The following GRID1 variants were observed in gnomAD, a reference collection of about 807,000 sequenced individuals.
GRID1 encodes glutamate ionotropic receptor delta type subunit 1, also known as glutamate receptor ionotropic, delta-1.
GRID1 carries 28 observed loss-of-function variants against 98.0 expected under a neutral mutation model. That is an observed-to-expected ratio of 0.29 (90% CI 0.21 to 0.39). The LOEUF (loss-of-function observed/expected upper bound fraction) is 0.39. Ranked by LOEUF, GRID1 falls within the 10% of genes least tolerant of loss-of-function variation. The probability of loss-of-function intolerance (pLI) is 1.00; values close to 1 mark genes in which losing one functional copy is unlikely to be tolerated. For synonymous variants in GRID1, 553 were observed against 538.5 expected, an observed-to-expected ratio of 1.03 and a Z score of -0.37; for missense variants, 1,111 against 1,340.5, an observed-to-expected ratio of 0.83 and a Z score of 2.67.
At chr10:86,305,041 G>A (rs947850477) in intron 2 of GRID1, among the ~76,000 whole-genome samples, 2 of 151,586 alleles carry the variant, frequency 1.3e-5, no homozygotes, top group Non-Finnish European at 2.9e-5. Flanking sequence ...CATTTAATCA[G>A]TAGATTCTGA....
At chr10:85,774,409 G>T (rs906438215) in intron 8 of GRID1, among the ~76,000 whole-genome samples, 1 of 152,156 alleles carries the variant, frequency 6.6e-6, no homozygotes, top group Admixed American at 6.5e-5. Context: ...CAGGACATAG[G>T]CATGGGCAAG....
At position 85,619,917 on chromosome 10, in the gene GRID1, G is replaced by A. The variant is rs543334954; in HGVS notation, c.2310C>T (p.Tyr770=). The A allele has an allele frequency of 5.8e-5, 94 of 1,614,144 alleles. No homozygotes were observed. Among genetic ancestry groups the A allele is most frequent in the South Asian group, 3.0e-4 (27 of 91,074 alleles). ...VIGNSISSKG[Y]GIALQHGSPY... is the part of the protein sequence containing the mutation. ...GGCTGCCATGCTGCAGGGCAATCCC[G>A]TAACCCTTGCTGCTGATGCTGTTGC... The change falls in exon 14 of 16, where the codon TAC becomes TAT. Residue 770 remains tyrosine, a synonymous_variant. Coordinates refer to ENST00000327946, the MANE Select transcript of GRID1 (RefSeq NM_017551.3).
intron 5 of GRID1, among the ~76,000 whole-genome samples, chr10:85,881,304 C>A (rs964461859): frequency 1.3e-5 from 2 of 152,120 alleles, no homozygotes; most frequent in Non-Finnish European, 2.9e-5. Context: ...AAAAAAGAGC[C>A]CACATCACCA....
intron 10 of GRID1, among the ~76,000 whole-genome samples, chr10:85,725,161 T>C (rs567116112): frequency 6.6e-6 from 1 of 152,194 alleles, no homozygotes; most frequent in African/African-American, 2.4e-5. Flanking sequence ...TTCTCTTTTC[T>C]AAAACACTTC....
intron 8 of GRID1, among the ~76,000 whole-genome samples, chr10:85,813,294 C>G (rs977518738): frequency 1.6e-4 from 24 of 151,466 alleles, no homozygotes; most frequent in East Asian, 5.8e-4. Flanking sequence ...CTACATACAT[C>G]TTAATCAAAT....
intron 12 of GRID1, among the ~76,000 whole-genome samples, chr10:85,657,968 G>A (rs189700865): frequency 6.8e-4 from 103 of 152,128 alleles, no homozygotes; most frequent in African/African-American, 2.3e-3. Context: ...CTCAACACCC[G>A]CAAATATTTG....
chr10:86,150,439 G>T (rs772369137), intron 3 of GRID1, among the ~76,000 whole-genome samples: 4 of 152,228 alleles, frequency 2.6e-5, no homozygotes, highest in Non-Finnish European at 2.9e-5. Flanking sequence ...GGAGCTCTGG[G>T]TATTTTTCTG....
chr10:86,120,274 C>T (rs996036337), intron 4 of GRID1, among the ~76,000 whole-genome samples: 6 of 152,208 alleles, frequency 3.9e-5, no homozygotes, highest in Admixed American at 3.9e-4. Flanking sequence ...TATGCTCCTA[C>T]CCTTGCTGCC....
At chr10:85,780,389 GAGTGAGA>G (rs1381892278) in intron 8 of GRID1, among the ~76,000 whole-genome samples, 2 of 152,214 alleles carry the variant, frequency 1.3e-5, no homozygotes, top group African/African-American at 4.8e-5. Flanking sequence ...AGTGGGGCTG[GAGTGAGA>G]AGAACTGGTA....
intron 8 of GRID1, among the ~76,000 whole-genome samples, chr10:85,851,227 A>G (rs1289664697): frequency 6.6e-6 from 1 of 152,164 alleles, no homozygotes; most frequent in Non-Finnish European, 1.5e-5. Flanking sequence ...CACCCCCAAG[A>G]CAAATGTCAG....
chr10:86,312,436 T>C (rs1847843387), intron 2 of GRID1, among the ~76,000 whole-genome samples: 1 of 152,232 alleles, frequency 6.6e-6, no homozygotes, highest in South Asian at 2.1e-4. Flanking sequence ...GGGACTGCTT[T>C]CCTTCCAATC....
intron 2 of GRID1, among the ~76,000 whole-genome samples, chr10:86,247,418 T>A (rs2492743): frequency 0.89 from 133,242 of 149,548 alleles, 60,039 homozygotes; most frequent in African/African-American, 0.97. Flanking sequence ...ACAGATGAGT[T>A]GATGAATGAA....
At chr10:85,644,411 T>C (rs562874269) in intron 13 of GRID1, among the ~76,000 whole-genome samples, 1 of 152,358 alleles carries the variant, frequency 6.6e-6, no homozygotes, top group African/African-American at 2.4e-5. Context: ...TATTTTATCA[T>C]TGCTTTGGAT....
At chr10:86,309,208 T>C (rs1055148713) in intron 2 of GRID1, among the ~76,000 whole-genome samples, 2 of 151,844 alleles carry the variant, frequency 1.3e-5, no homozygotes, top group African/African-American at 2.4e-5. Flanking sequence ...GTAAGGTGAG[T>C]CCCAAAGACA....
intron 4 of GRID1, among the ~76,000 whole-genome samples, chr10:86,097,120 C>T (rs1263766869): frequency 1.3e-5 from 2 of 152,188 alleles, no homozygotes; most frequent in Non-Finnish European, 2.9e-5. Flanking sequence ...TGACACCATC[C>T]ACTTCACTGG....
Position 85,967,317 on chromosome 10 carries a change from G to A in GRID1, c.727-51078C>T, listed in dbSNP as rs114633586. On this transcript the variant is annotated intron_variant, in intron 4 of 15. Coordinates refer to ENST00000327946, the MANE Select transcript of GRID1 (RefSeq NM_017551.3). ...ATCAAAGTTACTAAACAAGTATATA[G>A]CAACAGCAACACCACCAAAAGAGAA... Among the ~76,000 whole-genome samples, 864 of 151,884 alleles carry A rather than the reference G, an allele frequency of 5.7e-3. 11 individuals are homozygous for A. The highest frequency in any genetic ancestry group is 0.02 in the African/African-American group (828 of 41,400).
At chr10:86,355,295 A>T (rs948204547) in intron 2 of GRID1, among the ~76,000 whole-genome samples, 1 of 152,210 alleles carries the variant, frequency 6.6e-6, no homozygotes, top group East Asian at 1.9e-4. Context: ...CACCCCACGG[A>T]TGCTCCAGTG....
At chr10:86,337,852 C>A (rs1433554610) in intron 2 of GRID1, among the ~76,000 whole-genome samples, 2 of 151,710 alleles carry the variant, frequency 1.3e-5, no homozygotes, top group Admixed American at 1.3e-4. Context: ...GGATTACAGG[C>A]GCCCGCCACC....
intron 6 of GRID1, among the ~76,000 whole-genome samples, chr10:85,858,802 C>T (rs1843138052): frequency 6.6e-6 from 1 of 152,230 alleles, no homozygotes; most frequent in South Asian, 2.1e-4. Context: ...CACACTCACA[C>T]ATCAGGGCAG....
Sources: allele counts gnomAD v4.1 joint callset (sites outside exome capture counted in the v4.1 genomes callset), GRCh38; gene constraint gnomAD v4.1.1; transcripts MANE v1.5; gene names NCBI Gene and HGNC (gene_info 2026-07-23, HGNC 2026-07-21).